The following MYO3B variants were observed in gnomAD, a reference collection of about 807,000 sequenced individuals.
MYO3B encodes myosin IIIB.
In MYO3B, 156 loss-of-function variants were observed where a neutral mutation model predicts 174.6. The observed-to-expected ratio is 0.89, with a 90% CI of 0.78 to 1.02. The LOEUF is 1.02. Ranked by LOEUF, MYO3B falls within the 50% of genes least tolerant of loss-of-function variation. MYO3B has a pLI of 0.00. For missense variants in MYO3B, 1,632 were observed against 1,639.4 expected, an observed-to-expected ratio of 1.00 and a Z score of 0.08; for synonymous variants, 563 against 569.1, an observed-to-expected ratio of 0.99 and a Z score of 0.15.
Position 170,208,796 on chromosome 2 carries a change from T to G in MYO3B, c.322-5583T>G, listed in dbSNP as rs190524989. Among the ~76,000 whole-genome samples, 10 of 152,308 alleles carry G rather than the reference T, an allele frequency of 6.6e-5. No homozygotes were observed. The East Asian group carries it at 7.7e-4, about 12-fold the overall frequency. On this transcript the variant is annotated intron_variant, in intron 3 of 34. Coordinates refer to ENST00000408978, the MANE Select transcript of MYO3B (RefSeq NM_138995.5). ...ACTTTAGTCTTACACTTGACCTGAT[T>G]ATTTGCATAAAGTGCAGCAAGAATA...
At chr2:170,415,769 C>T (rs60384579) in intron 22 of MYO3B, among the ~76,000 whole-genome samples, 24 of 152,198 alleles carry the variant, frequency 1.6e-4, no homozygotes, top group African/African-American at 3.4e-4. Flanking sequence ...TCTACTTGTA[C>T]GCAGCATCCC....
intron 8 of MYO3B, among the ~76,000 whole-genome samples, chr2:170,354,256 A>G (rs1050153308): frequency 6.6e-6 from 1 of 152,064 alleles, no homozygotes; most frequent in Non-Finnish European, 1.5e-5. Context: ...TCTCCTTGTC[A>G]TCAGTTCTGG....
chr2:170,432,739 G>A (rs2094721268), intron 22 of MYO3B, among the ~76,000 whole-genome samples: 1 of 152,008 alleles, frequency 6.6e-6, no homozygotes, highest in African/African-American at 2.4e-5. Context: ...ACCATGCCCG[G>A]CTAATTTTTG....
chr2:170,415,148 G>C (rs1349828618), intron 22 of MYO3B, among the ~76,000 whole-genome samples: 1 of 152,140 alleles, frequency 6.6e-6, no homozygotes, highest in Non-Finnish European at 1.5e-5. Context: ...ATATTGCTTT[G>C]TTCCCGATCC....
At chr2:170,270,412 G>C (rs977120479) in intron 7 of MYO3B, among the ~76,000 whole-genome samples, 3 of 151,978 alleles carry the variant, frequency 2.0e-5, no homozygotes, top group Non-Finnish European at 4.4e-5. Flanking sequence ...AAAATGATAG[G>C]GTTTAGAACA....
chr2:170,541,170 A>G lies in MYO3B; in HGVS notation c.3576-1736A>G, dbSNP rs75691299. ...GCCACACAAGCTAGAGGAGTTGTCA[A>G]GAGGTTCATTTTTTGAGGGGTCAGG... On this transcript the variant is annotated intron_variant, in intron 30 of 34. Transcript: ENST00000408978. 5.0e-3 allele frequency among the ~76,000 whole-genome samples: 756 copies of G among 152,296 alleles called. 6 individuals are homozygous for G. The highest frequency in any genetic ancestry group is 0.015 in the African/African-American group (644 of 41,558).
At chr2:170,324,055 TC>T (rs1448497170) in intron 7 of MYO3B, among the ~76,000 whole-genome samples, 1 of 152,174 alleles carries the variant, frequency 6.6e-6, no homozygotes, top group Non-Finnish European at 1.5e-5. Flanking sequence ...ACGTGGACTT[TC>T]ACTGGTTCCT....
At chr2:170,357,473 C>G (rs182814951) in intron 8 of MYO3B, among the ~76,000 whole-genome samples, 1 of 151,070 alleles carries the variant, frequency 6.6e-6, no homozygotes, top group Non-Finnish European at 1.5e-5. Context: ...TTGTGGACAC[C>G]GCTAACAAAG....
intron 32 of MYO3B, among the ~76,000 whole-genome samples, chr2:170,605,989 T>A (rs545846701): frequency 6.6e-6 from 1 of 152,304 alleles, no homozygotes; most frequent in South Asian, 2.1e-4. Flanking sequence ...ACCTTCTGAA[T>A]ACATCTTGAT....
intron 3 of MYO3B, among the ~76,000 whole-genome samples, chr2:170,207,968 T>A (rs993339476): frequency 6.6e-6 from 1 of 151,868 alleles, no homozygotes; most frequent in Non-Finnish European, 1.5e-5. Context: ...AGTCTGGGGG[T>A]GGGAGTATCC....
intron 32 of MYO3B, among the ~76,000 whole-genome samples, chr2:170,565,252 A>G (rs937872339): frequency 3.0e-4 from 46 of 152,216 alleles, no homozygotes; most frequent in Admixed American, 2.9e-3. Flanking sequence ...CTTTTTGTAG[A>G]GCAATCTGCC....
At chr2:170,574,442 G>T (rs565139444) in intron 32 of MYO3B, among the ~76,000 whole-genome samples, 2 of 152,230 alleles carry the variant, frequency 1.3e-5, no homozygotes, top group Admixed American at 1.3e-4. Flanking sequence ...TTTAAAGAGG[G>T]TGTCTGCTGA....
chr2:170,612,559 G>A (rs1695187876), intron 32 of MYO3B, among the ~76,000 whole-genome samples: 1 of 152,146 alleles, frequency 6.6e-6, no homozygotes. Flanking sequence ...GCCAGGCACA[G>A]AATAAGCACT....
chr2:170,271,409 T>C (rs971984862), intron 7 of MYO3B, among the ~76,000 whole-genome samples: 36 of 152,330 alleles, frequency 2.4e-4, no homozygotes, highest in Non-Finnish European at 2.4e-4. Flanking sequence ...GAGAGAATGG[T>C]GAACCATGAA....
At position 170,387,454 on chromosome 2, in the gene MYO3B, T is replaced by C. The variant is rs540114554; in HGVS notation, c.1577+146T>C. On this transcript the variant is annotated intron_variant, in intron 14 of 34. Transcript: ENST00000408978. ...AAGAATTATTTAAGCAAAGGATCAGTGGTAGTTTTTGACCTAAAAGAAATT... is the reference window on the plus strand; with the variant it reads ...AAGAATTATTTAAGCAAAGGATCAGCGGTAGTTTTTGACCTAAAAGAAATT... 11 of 789,034 alleles carry C rather than the reference T, an allele frequency of 1.4e-5. No individual in the cohort carries two copies. In the Admixed American group the frequency reaches 2.8e-4, roughly 20 times the overall value. 48.9% of individuals were successfully genotyped at this position (789,034 alleles called of 1,614,324 possible). A position where few individuals can be genotyped will look rare whatever the true frequency, so the allele number is the denominator to read the frequency against.
chr2:170,335,563 C>A, intron 8 of MYO3B, 113 bp downstream of exon 8: 1 of 773,644 alleles, frequency 1.3e-6, no homozygotes, highest in Non-Finnish European at 2.1e-6. Flanking sequence ...CCTGTTAGCA[C>A]GTTATGACTC....
At chr2:170,406,335 T>C (rs1377132821) in intron 21 of MYO3B, among the ~76,000 whole-genome samples, 1 of 152,192 alleles carries the variant, frequency 6.6e-6, no homozygotes, top group East Asian at 1.9e-4. Flanking sequence ...ACATTTTTGA[T>C]TATTTTATTA....
chr2:170,333,815 G>T (rs2093928383), intron 7 of MYO3B: 1 of 152,098 alleles, frequency 6.6e-6, no homozygotes, highest in African/African-American at 2.4e-5. Flanking sequence ...CCCACATATG[G>T]TGCTTGTGCT....
intron 32 of MYO3B, among the ~76,000 whole-genome samples, chr2:170,573,108 A>G (rs958563954): frequency 1.3e-5 from 2 of 151,904 alleles, no homozygotes; most frequent in Admixed American, 1.3e-4. Flanking sequence ...GAGAGTCTCT[A>G]GAAGAATTCT....
Sources: gnomAD v4.1 joint callset for allele counts (sites outside exome capture counted in the v4.1 genomes callset) on GRCh38, gnomAD v4.1.1 for gene constraint, MANE v1.5 for transcripts, NCBI Gene and HGNC (gene_info 2026-07-23, HGNC 2026-07-21) for gene names.